The following DGKB variants were observed in gnomAD, a reference collection of about 807,000 sequenced individuals.
The protein encoded by DGKB is diacylglycerol kinase beta, also known as 90 kDa diacylglycerol kinase.
Under a neutral mutation model 114.3 loss-of-function variants are expected in DGKB, and 67 were observed. The observed-to-expected ratio is 0.59, with a 90% CI of 0.48 to 0.72. The LOEUF is 0.72. Ranked by LOEUF, DGKB falls within the 30% of genes least tolerant of loss-of-function variation. The pLI, the probability that DGKB is intolerant of heterozygous loss-of-function variation, is 0.00. For missense variants in DGKB, 907 were observed against 975.2 expected, an observed-to-expected ratio of 0.93 and a Z score of 0.93; for synonymous variants, 398 against 323.1, an observed-to-expected ratio of 1.23 and a Z score of -2.49.
chr7:14,247,151 C>T (rs1032143861), intron 23 of DGKB, among the ~76,000 whole-genome samples: 2 of 152,076 alleles, frequency 1.3e-5, no homozygotes, highest in Non-Finnish European at 2.9e-5. Context: ...TGTGTATTGT[C>T]ACAAATGACA....
At chr7:14,623,236 T>C (rs1293170196) in intron 14 of DGKB, among the ~76,000 whole-genome samples, 1 of 152,218 alleles carries the variant, frequency 6.6e-6, no homozygotes, top group Non-Finnish European at 1.5e-5. Flanking sequence ...ATGCATGCCA[T>C]GGGTGCTTAA....
chr7:14,620,498 A>C (rs1807412638), intron 15 of DGKB, among the ~76,000 whole-genome samples: 1 of 151,756 alleles, frequency 6.6e-6, no homozygotes, highest in South Asian at 2.1e-4. Flanking sequence ...AAAAGATGAT[A>C]GAAAATCAAA....
In DGKB at chr7:14,231,575, T is replaced by C. The variant is rs116087207; in HGVS notation, c.2123-53424A>G. ...TATAAAATTATGCATATTTTATGTG[T>C]GTATATGTTTATTATTATGCATATG... On this transcript the variant is annotated intron_variant, in intron 23 of 25. Transcript: ENST00000402815. 4.9e-3 allele frequency among the ~76,000 whole-genome samples: 700 copies of C among 143,354 alleles called. 4 individuals carry two copies. The highest frequency in any genetic ancestry group is 0.011 in the Middle Eastern group (3 of 264). The allele number at this position is 143,354 out of a possible 152,430, so 94.0% of individuals were successfully genotyped here.
chr7:14,551,405 C>T (rs1177733084), intron 20 of DGKB, among the ~76,000 whole-genome samples: 2 of 152,180 alleles, frequency 1.3e-5, no homozygotes, highest in Non-Finnish European at 2.9e-5. Flanking sequence ...ATATGTTCTA[C>T]AAAAACTGGA....
intron 21 of DGKB, among the ~76,000 whole-genome samples, chr7:14,374,869 C>A (rs1347570825): frequency 1.3e-5 from 2 of 152,088 alleles, no homozygotes; most frequent in East Asian, 1.9e-4. Flanking sequence ...ATCAAAAATG[C>A]CTCCAGATAT....
At chr7:14,357,556 C>G (rs541652586) in intron 21 of DGKB, among the ~76,000 whole-genome samples, 7 of 152,062 alleles carry the variant, frequency 4.6e-5, no homozygotes, top group Non-Finnish European at 1.0e-4. Flanking sequence ...ATCCGATTTT[C>G]CAGTCTGTGT....
intron 23 of DGKB, among the ~76,000 whole-genome samples, chr7:14,287,957 A>C (rs1801136049): frequency 1.3e-5 from 2 of 152,142 alleles, no homozygotes; most frequent in Non-Finnish European, 2.9e-5. Context: ...GTCCTGTTGG[A>C]ATACACTGGA....
At chr7:14,503,402 A>G (rs1479253572) in intron 20 of DGKB, among the ~76,000 whole-genome samples, 4 of 152,154 alleles carry the variant, frequency 2.6e-5, no homozygotes, top group African/African-American at 9.6e-5. Context: ...TCTCTCTTCT[A>G]TAACACTGCA....
At chr7:14,674,974 AC>A (rs1819601002) in intron 12 of DGKB, among the ~76,000 whole-genome samples, 1 of 152,124 alleles carries the variant, frequency 6.6e-6, no homozygotes, top group Admixed American at 6.6e-5. Flanking sequence ...TAAACCCAGT[AC>A]TATGAAAACG....
intron 13 of DGKB, among the ~76,000 whole-genome samples, chr7:14,664,291 T>C (rs944008671): frequency 2.6e-5 from 4 of 152,016 alleles, no homozygotes; most frequent in African/African-American, 9.7e-5. Flanking sequence ...TTTTCTCTCC[T>C]GGTTGCCTAA....
Position 14,148,989 on chromosome 7 carries a change from A to ATTAGC in DGKB, c.*137_*141dup, listed in dbSNP as rs1781779272. 2 of 699,542 alleles carry ATTAGC rather than the reference A, an allele frequency of 2.9e-6. No homozygotes were observed. The highest frequency in any genetic ancestry group is 5.5e-5 in the Admixed American group (2 of 36,184). The allele number at this position is 699,542 out of a possible 1,614,324, so 43.3% of individuals were successfully genotyped here. A position where few individuals can be genotyped will look rare whatever the true frequency, so the allele number is the denominator to read the frequency against. Reference sequence around the variant, plus strand: ...AAATTTTCTAATAGCTGAATTTTACATTAGCTTAGTAACAAAAACTGTTAA... The same window carrying ATTAGC: ...AAATTTTCTAATAGCTGAATTTTACATTAGCTTAGCTTAGTAACAAAAACTGTTAA... On this transcript the variant is annotated 3_prime_UTR_variant, in exon 26 of 26. Transcript: ENST00000402815.
intron 1 of DGKB, among the ~76,000 whole-genome samples, chr7:14,893,781 T>C (rs1259933400): frequency 6.6e-6 from 1 of 151,306 alleles, no homozygotes; most frequent in East Asian, 1.9e-4. Context: ...TAACTCAAAT[T>C]CTAAATTATC....
intron 5 of DGKB, among the ~76,000 whole-genome samples, chr7:14,732,491 A>C (rs1831069742): frequency 6.6e-6 from 1 of 152,170 alleles, no homozygotes; most frequent in Non-Finnish European, 1.5e-5. Flanking sequence ...TTCAGCCTTG[A>C]AAATTTTATT....
chr7:14,908,221 T>C (rs193037625), upstream of DGKB, among the ~76,000 whole-genome samples: 1 of 152,292 alleles, frequency 6.6e-6, no homozygotes, highest in Non-Finnish European at 1.5e-5. Context: ...TTTTATTTTA[T>C]TTTTTTGAGA....
At chr7:14,539,543 T>C (rs752783561) in intron 20 of DGKB, among the ~76,000 whole-genome samples, 1 of 152,150 alleles carries the variant, frequency 6.6e-6, no homozygotes, top group Non-Finnish European at 1.5e-5. Flanking sequence ...CAAATTATAT[T>C]TCCTAACCCT....
chr7:14,182,355 T>C (rs1352019964), intron 23 of DGKB, among the ~76,000 whole-genome samples: 1 of 152,030 alleles, frequency 6.6e-6, no homozygotes, highest in Admixed American at 6.6e-5. Flanking sequence ...AATCAAAATT[T>C]CTAACAGCAT....
intron 1 of DGKB, among the ~76,000 whole-genome samples, chr7:14,922,392 G>A (rs981962563): frequency 5.9e-4 from 90 of 151,668 alleles, no homozygotes; most frequent in African/African-American, 2.0e-3. Flanking sequence ...GTGTGTGTGT[G>A]TGTGTGTGTG....
intron 23 of DGKB, among the ~76,000 whole-genome samples, chr7:14,251,026 G>A (rs953885017): frequency 6.6e-6 from 1 of 152,104 alleles, no homozygotes; most frequent in Non-Finnish European, 1.5e-5. Context: ...TGTCCTTCAA[G>A]CTAAAGTGAG....
At chr7:14,602,661 G>A (rs576899025) in intron 17 of DGKB, among the ~76,000 whole-genome samples, 3 of 152,262 alleles carry the variant, frequency 2.0e-5, no homozygotes, top group African/African-American at 7.2e-5. Context: ...CAAAAAGTGA[G>A]CCATCAGCAG....
Sources: gnomAD v4.1 joint callset for allele counts (sites outside exome capture counted in the v4.1 genomes callset) on GRCh38, gnomAD v4.1.1 for gene constraint, MANE v1.5 for transcripts, NCBI Gene and HGNC (gene_info 2026-07-23, HGNC 2026-07-21) for gene names.